GPC5: variants seen among roughly 807,000 people sequenced by gnomAD.
The protein encoded by GPC5 is glypican-5.
Under a neutral mutation model 53.9 loss-of-function variants are expected in GPC5, and 47 were observed. That is an observed-to-expected ratio of 0.87 (90% CI 0.69 to 1.11). The LOEUF (loss-of-function observed/expected upper bound fraction) is 1.11, where lower values mean the gene tolerates loss of function less well. GPC5 is among the 50% of genes most tolerant of loss of function. The pLI is 0.00. For missense variants in GPC5, 748 were observed against 713.1 expected (o/e 1.05, Z -0.56); for synonymous variants, 286 against 263.3 (o/e 1.09, Z -0.84).
intron 7 of GPC5, among the ~76,000 whole-genome samples, chr13:92,362,319 A>G (rs772133717): frequency 1.9e-4 from 29 of 151,772 alleles, no homozygotes; most frequent in Non-Finnish European, 3.7e-4. Flanking sequence ...TATTGTTATT[A>G]TACTGAAGGA....
At chr13:92,425,526 A>G (rs7995037) in intron 7 of GPC5, among the ~76,000 whole-genome samples, 43,692 of 151,968 alleles carry the variant, frequency 0.29, 7,291 homozygotes, top group East Asian at 0.61. Flanking sequence ...CAAGTGACTT[A>G]ATAAAATCAA....
chr13:92,224,552 C>T (rs1594012730), intron 7 of GPC5, among the ~76,000 whole-genome samples: 1 of 152,228 alleles, frequency 6.6e-6, no homozygotes, highest in Non-Finnish European at 1.5e-5. Context: ...ATTCCCAAAG[C>T]TGATAAGAGT....
At chr13:91,855,728 A>G (rs1372972805) in intron 5 of GPC5, among the ~76,000 whole-genome samples, 2 of 151,638 alleles carry the variant, frequency 1.3e-5, no homozygotes, top group Non-Finnish European at 3.0e-5. Context: ...TCAATTCTGC[A>G]GATCTCTGAT....
intron 6 of GPC5, among the ~76,000 whole-genome samples, chr13:91,930,840 C>T (rs1482448860): frequency 2.0e-5 from 3 of 152,046 alleles, no homozygotes; most frequent in Non-Finnish European, 4.4e-5. Context: ...ATTAATTCTC[C>T]TCTCACAATT....
intron 2 of GPC5, among the ~76,000 whole-genome samples, chr13:91,449,323 T>A (rs955774599): frequency 1.5e-4 from 23 of 151,994 alleles, no homozygotes; most frequent in Non-Finnish European, 2.8e-4. Flanking sequence ...CTACTAAAAA[T>A]TTTTTTTGGA....
chr13:92,471,643 G>T (rs960455324), intron 7 of GPC5, among the ~76,000 whole-genome samples: 15 of 152,064 alleles, frequency 9.9e-5, no homozygotes, highest in African/African-American at 3.6e-4. Flanking sequence ...TATATATAGA[G>T]AGAGAGGGAG....
At chr13:92,011,279 A>G (rs2040659279) in intron 6 of GPC5, among the ~76,000 whole-genome samples, 2 of 152,184 alleles carry the variant, frequency 1.3e-5, no homozygotes, top group African/African-American at 4.8e-5. Flanking sequence ...CCATAAGTAT[A>G]AATATATACT....
chr13:92,321,150 C>A (rs1303512299), intron 7 of GPC5, among the ~76,000 whole-genome samples: 1 of 152,072 alleles, frequency 6.6e-6, no homozygotes, highest in Non-Finnish European at 1.5e-5. Context: ...ATTTAAAAAT[C>A]TTTGTAGACA....
At chr13:92,144,647 G>C (rs1163201698) in intron 6 of GPC5, among the ~76,000 whole-genome samples, 183 bp from the exon 7 acceptor site, 1 of 152,180 alleles carries the variant, frequency 6.6e-6, no homozygotes, top group African/African-American at 2.4e-5. Context: ...CTTTATAGGT[G>C]TAAGACTTTG....
At chr13:91,674,071 T>C (rs2035311854) in intron 2 of GPC5, among the ~76,000 whole-genome samples, 1 of 152,230 alleles carries the variant, frequency 6.6e-6, no homozygotes, top group African/African-American at 2.4e-5. Flanking sequence ...ACCTTTATCT[T>C]TGTAACTGAC....
intron 7 of GPC5, among the ~76,000 whole-genome samples, chr13:92,336,658 T>C (rs1490071949): frequency 1.3e-5 from 2 of 152,224 alleles, no homozygotes; most frequent in Admixed American, 1.3e-4. Flanking sequence ...GATAATTATG[T>C]AGTTTGTTTT....
intron 7 of GPC5, among the ~76,000 whole-genome samples, chr13:92,269,129 T>C (rs945823697): frequency 6.6e-6 from 1 of 152,096 alleles, no homozygotes; most frequent in Non-Finnish European, 1.5e-5. Context: ...CATGACTTGA[T>C]TTCTTTTCAA....
chr13:91,941,008 A>G (rs1158780872), intron 6 of GPC5, among the ~76,000 whole-genome samples: 3 of 151,874 alleles, frequency 2.0e-5, no homozygotes, highest in Non-Finnish European at 4.4e-5. Flanking sequence ...GGTCCCACTT[A>G]TTCATTTTTG....
rs185969538 is a variant in GPC5 at position 91,910,624 on chromosome 13, G to A, written c.1401+2567G>A. 5.3e-5 allele frequency among the ~76,000 whole-genome samples: 8 copies of A among 152,144 alleles called. No individual in the cohort carries two copies. In the East Asian group the frequency reaches 1.4e-3, roughly 26 times the overall value. On this transcript the variant is annotated intron_variant, in intron 6 of 7. Coordinates refer to ENST00000377067, the MANE Select transcript of GPC5 (RefSeq NM_004466.6). ...ACACTCACCCAAAAAGGCCTTTCTC[G>A]GCCTGCCATTGATCTGAACCTTATT... is the stretch of plus-strand genomic sequence containing the variant.
chr13:92,612,314 A>T (rs1216401553), intron 7 of GPC5, among the ~76,000 whole-genome samples: 2 of 152,118 alleles, frequency 1.3e-5, no homozygotes, highest in African/African-American at 4.8e-5. Context: ...TGTTCCATAA[A>T]TATTGAGTTT....
chr13:91,571,832 CATATACTT>C (rs2031826336), intron 2 of GPC5, among the ~76,000 whole-genome samples: 1 of 85,004 alleles, frequency 1.2e-5, no homozygotes, highest in Non-Finnish European at 2.1e-5. Context: ...TATATATACA[CATATACTT>C]GTGTGTATAT....
At chr13:92,371,603 G>A (rs1410823857) in intron 7 of GPC5, among the ~76,000 whole-genome samples, 1 of 152,134 alleles carries the variant, frequency 6.6e-6, no homozygotes, top group Non-Finnish European at 1.5e-5. Context: ...TATGATCATG[G>A]TGGAAGGTGA....
intron 6 of GPC5, among the ~76,000 whole-genome samples, chr13:91,935,204 C>T (rs1412837235): frequency 6.6e-6 from 1 of 151,944 alleles, no homozygotes; most frequent in Non-Finnish European, 1.5e-5. Context: ...TAAGAATAAT[C>T]TCATCTGAAT....
chr13:91,406,065 C>T (rs543208945), intron 1 of GPC5, among the ~76,000 whole-genome samples: 1 of 152,282 alleles, frequency 6.6e-6, no homozygotes, highest in East Asian at 1.9e-4. Flanking sequence ...AGCCACCATG[C>T]CTGGCCCTAA....
Sources: gnomAD v4.1 joint callset for allele counts (sites outside exome capture counted in the v4.1 genomes callset) on GRCh38, gnomAD v4.1.1 for gene constraint, MANE v1.5 for transcripts, NCBI Gene and HGNC (gene_info 2026-07-23, HGNC 2026-07-21) for gene names.